SRPK2: variants seen among roughly 807,000 people sequenced by gnomAD.
SRPK2 encodes SFRS protein kinase 2.
SRPK2 carries 21 observed loss-of-function variants against 90.8 expected under a neutral mutation model. The observed-to-expected ratio is 0.23, with a 90% CI of 0.16 to 0.33. SRPK2 has a LOEUF of 0.33. SRPK2 is among the 10% of genes least tolerant of loss of function. The pLI, the probability that SRPK2 is intolerant of heterozygous loss-of-function variation, is 1.00. For missense variants in SRPK2, 620 were observed against 869.0 expected, an observed-to-expected ratio of 0.71 and a Z score of 3.60; for synonymous variants, 288 against 311.1, an observed-to-expected ratio of 0.93 and a Z score of 0.78.
chr7:105,144,999 G>A (rs1266727462), intron 9 of SRPK2, among the ~76,000 whole-genome samples: 6 of 151,782 alleles, frequency 4.0e-5, no homozygotes, highest in Middle Eastern at 3.2e-3. Context: ...CCAGCTACTC[G>A]GGAGGCTGAG....
At chr7:105,154,428 A>T (rs1273611977) in intron 7 of SRPK2, among the ~76,000 whole-genome samples, 1 of 152,240 alleles carries the variant, frequency 6.6e-6, no homozygotes, top group African/African-American at 2.4e-5. Context: ...AACTTGAACA[A>T]TACTGGTTCA....
intron 2 of SRPK2, among the ~76,000 whole-genome samples, chr7:105,364,653 C>T (rs1293389907): frequency 3.3e-5 from 5 of 152,010 alleles, no homozygotes; most frequent in Non-Finnish European, 5.9e-5. Flanking sequence ...CCGCCTGCCT[C>T]GGCCTCCCAA....
At chr7:105,340,061 A>G (rs533080929) in intron 2 of SRPK2, among the ~76,000 whole-genome samples, 2 of 152,108 alleles carry the variant, frequency 1.3e-5, no homozygotes, top group African/African-American at 2.4e-5. Flanking sequence ...CTGTCACAAA[A>G]AAAAGGAAAA....
intron 1 of SRPK2, among the ~76,000 whole-genome samples, chr7:105,395,515 A>G (rs1822297281): frequency 6.6e-6 from 1 of 151,990 alleles, no homozygotes; most frequent in Non-Finnish European, 1.5e-5. Flanking sequence ...GAATCACCTG[A>G]GGTCAGGAGT....
intron 2 of SRPK2, among the ~76,000 whole-genome samples, chr7:105,237,830 T>C (rs543162603): frequency 1.3e-5 from 2 of 152,336 alleles, no homozygotes; most frequent in African/African-American, 4.8e-5. Flanking sequence ...CTATTTTTCC[T>C]GCTTGGTTAT....
rs140416598 is a variant in SRPK2, at chr7:105,237,992, C to T, written c.72-34207G>A. On this transcript the variant is annotated intron_variant, in intron 2 of 15. Coordinates refer to ENST00000393651, the MANE Select transcript of SRPK2 (RefSeq NM_182692.3). ...TTGACACAACTCATGAGCAAAATAACCTAGAGTTAAAGGCAAGGCATATAT... is the reference window on the plus strand; with the variant it reads ...TTGACACAACTCATGAGCAAAATAATCTAGAGTTAAAGGCAAGGCATATAT... Among the ~76,000 whole-genome samples, 151 of 152,168 alleles carry T rather than the reference C, an allele frequency of 9.9e-4. 2 individuals are homozygous for T. In the South Asian group the frequency reaches 0.015, roughly 15 times the overall value.
intron 3 of SRPK2, among the ~76,000 whole-genome samples, chr7:105,197,640 T>C (rs1795078280): frequency 6.6e-6 from 1 of 152,160 alleles, no homozygotes; most frequent in South Asian, 2.1e-4. Context: ...AAAGGGAACC[T>C]TTCAGACTAG....
intron 3 of SRPK2, among the ~76,000 whole-genome samples, chr7:105,173,644 T>C (rs1791438597): frequency 6.6e-6 from 1 of 152,190 alleles, no homozygotes; most frequent in Non-Finnish European, 1.5e-5. Flanking sequence ...TGGAACCCCA[T>C]GGTCTACCAC....
intron 2 of SRPK2, among the ~76,000 whole-genome samples, chr7:105,225,047 C>T (rs956165459): frequency 6.6e-6 from 1 of 152,144 alleles, no homozygotes; most frequent in African/African-American, 2.4e-5. Context: ...AAACTGTAAG[C>T]CAGGCGCAGT....
At chr7:105,170,944 A>AAAGAAAGG (rs1491364795) in intron 3 of SRPK2, among the ~76,000 whole-genome samples, 1 of 39,754 alleles carries the variant, frequency 2.5e-5, no homozygotes, top group East Asian at 2.8e-4. Context: ...GGAAAGAAAG[A>AAAGAAAGG]AAGAAAGAAA....
intron 2 of SRPK2, among the ~76,000 whole-genome samples, chr7:105,277,371 C>T (rs1321689425): frequency 1.3e-5 from 2 of 152,152 alleles, no homozygotes; most frequent in Admixed American, 6.5e-5. Context: ...CCACTGCGCC[C>T]GGCCCAACTT....
rs145359395 is a variant in SRPK2, at chr7:105,324,326, T to C, written c.71+64322A>G. 4.1e-3 allele frequency among the ~76,000 whole-genome samples: 621 copies of C among 150,574 alleles called. 2 individuals carry two copies. The highest frequency in any genetic ancestry group is 6.5e-3 in the Non-Finnish European group (437 of 67,672). On this transcript the variant is annotated intron_variant, in intron 2 of 15. Coordinates refer to ENST00000393651, the MANE Select transcript of SRPK2 (RefSeq NM_182692.3). ...CGGGCCAACTATTCCCTCCCTCCCT[T>C]CTTTCTTTTTTTTTGAGATGGAGTC...
In SRPK2 at chr7:105,219,336, T is replaced by C. The variant is rs542265661; in HGVS notation, c.72-15551A>G. 1.1e-4 allele frequency among the ~76,000 whole-genome samples: 16 copies of C among 152,204 alleles called. No homozygotes were observed. In the South Asian group the frequency reaches 3.3e-3, roughly 32 times the overall value. On this transcript the variant is annotated intron_variant, in intron 2 of 15. Coordinates refer to ENST00000393651, the MANE Select transcript of SRPK2 (RefSeq NM_182692.3). ...TACTCCACTCTGCTCCCAGAACATA[T>C]CCCCGGCTCATGTCTACGCCCTGGA...
At chr7:105,365,066 G>C (rs959513483) in intron 2 of SRPK2, among the ~76,000 whole-genome samples, 37 of 152,156 alleles carry the variant, frequency 2.4e-4, no homozygotes, top group African/African-American at 8.9e-4. Context: ...CAAAAGAGTA[G>C]AGTTAGCCCA....
intron 2 of SRPK2, among the ~76,000 whole-genome samples, chr7:105,241,821 A>G (rs1168809644): frequency 1.3e-5 from 2 of 151,978 alleles, no homozygotes; most frequent in Non-Finnish European, 2.9e-5. Context: ...TCCCAGCAAA[A>G]TGACCAGACA....
Position 105,245,441 on chromosome 7 carries a change from G to C in SRPK2, c.72-41656C>G, listed in dbSNP as rs566286157. ...TAGATAAAGAGGACCACCAGACTGT[G>C]AACGACCTGTTTTAAGCTATATTAA... On this transcript the variant is annotated intron_variant, in intron 2 of 15. Coordinates refer to ENST00000393651, the MANE Select transcript of SRPK2 (RefSeq NM_182692.3). Among the ~76,000 whole-genome samples, 14 of 152,324 alleles carry C rather than the reference G, an allele frequency of 9.2e-5. No individual in the cohort carries two copies. In the Middle Eastern group the frequency reaches 0.014, roughly 148 times the overall value.
intron 2 of SRPK2, among the ~76,000 whole-genome samples, chr7:105,270,132 T>C (rs1805631020): frequency 6.6e-6 from 1 of 152,164 alleles, no homozygotes; most frequent in South Asian, 2.1e-4. Flanking sequence ...AATAAGGATT[T>C]TTCCCAAATT....
chr7:105,271,259 C>T (rs867039167), intron 2 of SRPK2, among the ~76,000 whole-genome samples: 8 of 152,154 alleles, frequency 5.3e-5, no homozygotes, highest in African/African-American at 1.7e-4. Context: ...ACAGCTCTAA[C>T]GAAGTTAATG....
chr7:105,181,784 G>A (rs1011190628), intron 3 of SRPK2, among the ~76,000 whole-genome samples: 1 of 151,726 alleles, frequency 6.6e-6, no homozygotes, highest in African/African-American at 2.4e-5. Context: ...CTTATTACCT[G>A]GGTGATGAAA....
Sources: allele counts gnomAD v4.1 joint callset (sites outside exome capture counted in the v4.1 genomes callset), GRCh38; gene constraint gnomAD v4.1.1; transcripts MANE v1.5; gene names NCBI Gene and HGNC (gene_info 2026-07-23, HGNC 2026-07-21).